Variants in TNFRSF10A observed in about 807,000 individuals in gnomAD.
TNFRSF10A encodes tumor necrosis factor receptor superfamily member 10A.
TNFRSF10A carries 44 observed loss-of-function variants against 42.8 expected under a neutral mutation model. The observed-to-expected ratio is 1.03, with a 90% CI of 0.81 to 1.32. The LOEUF (loss-of-function observed/expected upper bound fraction) is 1.32, where lower values mean the gene tolerates loss of function less well. Among genes scored for constraint, TNFRSF10A ranks in the 40% most tolerant of loss-of-function variants. The pLI is 0.00. For missense variants in TNFRSF10A, 680 were observed against 602.0 expected (o/e 1.13, Z -1.36); for synonymous variants, 259 against 234.2 (o/e 1.11, Z -0.97).
At chr8:23,195,615 A>G (rs964462898) in intron 9 of TNFRSF10A, among the ~76,000 whole-genome samples, 1 of 152,160 alleles carries the variant, frequency 6.6e-6, no homozygotes, top group Non-Finnish European at 1.5e-5. Context: ...AACTTAGGAG[A>G]GCCTATGTGG....
chr8:23,195,146 G>A (rs1800805411), intron 9 of TNFRSF10A, among the ~76,000 whole-genome samples: 1 of 152,172 alleles, frequency 6.6e-6, no homozygotes, highest in Non-Finnish European at 1.5e-5. Context: ...GTGACAGAGT[G>A]AGACTCTGTC....
chr8:23,210,414 G>A (rs549734146), intron 2 of TNFRSF10A, among the ~76,000 whole-genome samples: 2 of 152,306 alleles, frequency 1.3e-5, no homozygotes, highest in African/African-American at 4.8e-5. Flanking sequence ...GGGCACGGTG[G>A]CTCACGACTG....
Position 23,224,793 on chromosome 8 carries a change from T to C in TNFRSF10A, c.269A>G (p.Lys90Arg), listed in dbSNP as rs1286790619. Residue 90 changes from lysine to arginine, a missense_variant, in exon 1 of 10, where the codon AAG (lysine) becomes AGG (arginine). Physicochemically the swap from Lys to Arg is conservative, Grantham distance 26. Transcript: ENST00000221132. ...REASPRLRVH[K>R]TFKFVVVGVL... Reference sequence around the variant, plus strand: ...CCCGACGACGACAAACTTGAAGGTCTTGTGGACCCGGAGCCGAGGGCTGGC... The same window carrying C: ...CCCGACGACGACAAACTTGAAGGTCCTGTGGACCCGGAGCCGAGGGCTGGC... The C allele has an allele frequency of 9.6e-6, 15 of 1,569,248 alleles. No individual in the cohort carries two copies. The highest frequency in any genetic ancestry group is 1.3e-5 in the Non-Finnish European group (15 of 1,157,262).
rs1339526374 is a variant in TNFRSF10A, at chr8:23,190,778, A to G, written c.*916T>C. 1 of 152,230 alleles carries G rather than the reference A, an allele frequency of 6.6e-6. No homozygotes were observed. Among genetic ancestry groups the G allele is most frequent in the Non-Finnish European group, 1.5e-5 (1 of 68,062 alleles). 9.4% of individuals were successfully genotyped at this position (152,230 alleles called of 1,614,324 possible). ...AAGTTCCACAACAGGCCATCTGCACAGCAGAGACCCTGAAATGCTGGAAGC... is the reference window on the plus strand; with the variant it reads ...AAGTTCCACAACAGGCCATCTGCACGGCAGAGACCCTGAAATGCTGGAAGC... On this transcript the variant is annotated 3_prime_UTR_variant, in exon 10 of 10. Coordinates refer to ENST00000221132, the MANE Select transcript of TNFRSF10A (RefSeq NM_003844.4).
At chr8:23,216,474 T>A (rs10101700) in intron 1 of TNFRSF10A, among the ~76,000 whole-genome samples, 1,567 of 152,308 alleles carry the variant, frequency 0.01, 26 homozygotes, top group African/African-American at 0.036. Context: ...CCAGGCACGG[T>A]GGCTCACGCC....
At position 23,197,119 on chromosome 8, in the gene TNFRSF10A, G is replaced by A; in HGVS notation, c.1087+13C>T. The A allele has an allele frequency of 1.2e-6, 2 of 1,614,146 alleles. No homozygotes were observed. Among genetic ancestry groups the A allele is most frequent in the Non-Finnish European group, 1.7e-6 (2 of 1,179,984 alleles). On this transcript the variant is annotated intron_variant, in intron 9 of 9. Coordinates refer to ENST00000221132, the MANE Select transcript of TNFRSF10A (RefSeq NM_003844.4). ...CACCATTTCTGCTGCATCTCCAGGA[G>A]CAAAACACTTACTCTCAGTGGGGTC...
At chr8:23,216,437 A>G (rs1801181656) in intron 1 of TNFRSF10A, among the ~76,000 whole-genome samples, 1 of 152,162 alleles carries the variant, frequency 6.6e-6, no homozygotes, top group Non-Finnish European at 1.5e-5. Flanking sequence ...GAAGATTTTC[A>G]TCATCATCCC....
intron 9 of TNFRSF10A, among the ~76,000 whole-genome samples, chr8:23,194,606 A>C (rs909045431): frequency 6.6e-6 from 1 of 152,202 alleles, no homozygotes. Flanking sequence ...ATTGGTGAAA[A>C]TATCTATATA....
At chr8:23,202,621 T>G in intron 3 of TNFRSF10A, 27 bp downstream of exon 3, 1 of 1,592,692 alleles carries the variant, frequency 6.3e-7, no homozygotes, top group East Asian at 2.2e-5. Context: ...ACTCCACCTC[T>G]GGACAAGAGG....
chr8:23,206,771 C>T (rs765442465), intron 2 of TNFRSF10A: 2 of 153,794 alleles, frequency 1.3e-5, no homozygotes, highest in Non-Finnish European at 2.9e-5. Flanking sequence ...AAATTAGGTA[C>T]CTTGGATGAA....
intron 6 of TNFRSF10A, 123 bp from the exon 7 acceptor site, chr8:23,200,040 G>A (rs1800884998): frequency 8.1e-7 from 1 of 1,240,464 alleles, no homozygotes; most frequent in South Asian, 1.3e-5. Context: ...CCCCGGGCCT[G>A]GGGATCCACA....
chr8:23,208,258 G>A (rs1472544441), intron 2 of TNFRSF10A, among the ~76,000 whole-genome samples: 2 of 152,298 alleles, frequency 1.3e-5, no homozygotes, highest in East Asian at 3.9e-4. Context: ...GAGATCTGTG[G>A]AGCTTTGAAC....
chr8:23,205,002 A>G (rs1024218757), intron 2 of TNFRSF10A, among the ~76,000 whole-genome samples: 19 of 151,936 alleles, frequency 1.3e-4, no homozygotes, highest in South Asian at 2.1e-4. Flanking sequence ...CTAATAATCC[A>G]CTCTAAGACA....
At chr8:23,199,696 G>T (rs1373685086) in intron 7 of TNFRSF10A, among the ~76,000 whole-genome samples, 190 bp downstream of exon 7, 1 of 152,160 alleles carries the variant, frequency 6.6e-6, no homozygotes, top group Non-Finnish European at 1.5e-5. Context: ...CAGGGCTACA[G>T]AATGGCCCAC....
At chr8:23,201,051 G>T in intron 4 of TNFRSF10A, among the ~76,000 whole-genome samples, 1 of 152,150 alleles carries the variant, frequency 6.6e-6, no homozygotes, top group East Asian at 1.9e-4. Context: ...GGAGGCCTGC[G>T]TTAGGAGGAA....
intron 8 of TNFRSF10A, among the ~76,000 whole-genome samples, chr8:23,198,307 AT>A (rs775559240): frequency 6.6e-6 from 1 of 152,240 alleles, no homozygotes; most frequent in Non-Finnish European, 1.5e-5. Flanking sequence ...ATTGAAAAAA[AT>A]ATCTCCATAA....
intron 1 of TNFRSF10A, among the ~76,000 whole-genome samples, chr8:23,222,308 C>T (rs1265966084): frequency 2.0e-5 from 3 of 152,090 alleles, no homozygotes; most frequent in African/African-American, 7.2e-5. Flanking sequence ...AAGGGCTGCC[C>T]GATACTTCAG....
chr8:23,209,461 C>T (rs1034232077), intron 2 of TNFRSF10A, among the ~76,000 whole-genome samples: 4 of 152,232 alleles, frequency 2.6e-5, no homozygotes, highest in African/African-American at 7.2e-5. Flanking sequence ...CACTCAACAC[C>T]GGCACGTGAA....
At chr8:23,212,081 G>T in intron 2 of TNFRSF10A, 35 bp downstream of exon 2, 2 of 1,554,000 alleles carry the variant, frequency 1.3e-6, no homozygotes, top group South Asian at 1.1e-5. Flanking sequence ...GGAAAAGAGA[G>T]GTGTAAAGGA....
Sources: gnomAD v4.1 joint callset for allele counts (sites outside exome capture counted in the v4.1 genomes callset) on GRCh38, gnomAD v4.1.1 for gene constraint, MANE v1.5 for transcripts, NCBI Gene and HGNC (gene_info 2026-07-23, HGNC 2026-07-21) for gene names.